Variants in CYP27A1 observed in about 807,000 individuals in gnomAD.
CYP27A1 encodes sterol 26-hydroxylase, mitochondrial.
Under a neutral mutation model 58.2 loss-of-function variants are expected in CYP27A1, and 46 were observed. That is an observed-to-expected ratio of 0.79 (90% CI 0.62 to 1.01). The LOEUF is 1.01. Ranked by LOEUF, CYP27A1 falls within the 50% of genes least tolerant of loss-of-function variation. CYP27A1 has a pLI of 0.00. For missense variants in CYP27A1, 704 were observed against 687.0 expected (o/e 1.02, Z -0.28); for synonymous variants, 274 against 285.1 (o/e 0.96, Z 0.39).
At position 218,812,273 on chromosome 2, in the gene CYP27A1, G is replaced by A. The variant is rs763890316; in HGVS notation, c.498G>A (p.Leu166=). The A allele has an allele frequency of 1.2e-6, 2 of 1,614,230 alleles. No homozygotes were observed. The highest frequency in any genetic ancestry group is 1.7e-6 in the Non-Finnish European group (2 of 1,180,038). ...GCCAGGCTCTGAACCAGCGGTTGCT[G>A]AAGCCAGCGGAAGCAGCGCTCTATA... ...QLRQALNQRL[L]KPAEAALYTD... The change falls in exon 3 of 9, where the codon CTG becomes CTA. Residue 166 remains leucine, a synonymous_variant. Transcript: ENST00000258415.
chr2:218,784,547 C>T (rs890858766), intron 1 of CYP27A1, among the ~76,000 whole-genome samples: 1 of 152,114 alleles, frequency 6.6e-6, no homozygotes, highest in Non-Finnish European at 1.5e-5. Context: ...GAAATGTTAA[C>T]TATACTATTT....
intron 1 of CYP27A1, among the ~76,000 whole-genome samples, chr2:218,801,605 A>C (rs986463788): frequency 3.9e-5 from 6 of 152,150 alleles, no homozygotes; most frequent in African/African-American, 1.4e-4. Context: ...ATATTTGCAA[A>C]AACAGTCTCT....
At chr2:218,794,926 G>A (rs2105973417) in intron 1 of CYP27A1, among the ~76,000 whole-genome samples, 1 of 152,294 alleles carries the variant, frequency 6.6e-6, no homozygotes. Flanking sequence ...GGTACATGAA[G>A]AAGAGAAGGA....
chr2:218,807,775 A>AT (rs759173020), intron 1 of CYP27A1, among the ~76,000 whole-genome samples: 6,057 of 142,926 alleles, frequency 0.042, 372 homozygotes, highest in African/African-American at 0.14. Flanking sequence ...TGCCCAGCGA[A>AT]TTTTTTTTTT....
chr2:218,806,425 G>A (rs1010438027), intron 1 of CYP27A1, among the ~76,000 whole-genome samples: 1 of 152,192 alleles, frequency 6.6e-6, no homozygotes, highest in African/African-American at 2.4e-5. Flanking sequence ...GAGGGGGTGC[G>A]GTACTTGTGG....
intron 1 of CYP27A1, among the ~76,000 whole-genome samples, chr2:218,793,185 C>T (rs1943513586): frequency 6.6e-6 from 1 of 152,120 alleles, no homozygotes; most frequent in Non-Finnish European, 1.5e-5. Flanking sequence ...AAGTGATTCT[C>T]CTGGCTCAGC....
At chr2:218,793,083 G>T (rs537730911) in intron 1 of CYP27A1, among the ~76,000 whole-genome samples, 1 of 152,246 alleles carries the variant, frequency 6.6e-6, no homozygotes, top group African/African-American at 2.4e-5. Flanking sequence ...TTATTTGTTT[G>T]TTTGTTTTTT....
At chr2:218,800,245 T>C (rs1162067158) in intron 1 of CYP27A1, among the ~76,000 whole-genome samples, 2 of 152,024 alleles carry the variant, frequency 1.3e-5, no homozygotes, top group African/African-American at 4.8e-5. Flanking sequence ...TTCTTCGGTG[T>C]TCCAGGAGGA....
chr2:218,802,290 C>T (rs1210167293), intron 1 of CYP27A1, among the ~76,000 whole-genome samples: 1 of 149,786 alleles, frequency 6.7e-6, no homozygotes, highest in Non-Finnish European at 1.5e-5. Flanking sequence ...GGTGCACCCT[C>T]CATAGAAGTA....
At chr2:218,788,964 A>G (rs1943465870) in intron 1 of CYP27A1, among the ~76,000 whole-genome samples, 1 of 152,252 alleles carries the variant, frequency 6.6e-6, no homozygotes, top group Non-Finnish European at 1.5e-5. Flanking sequence ...AGGATGTAGC[A>G]GAACAGGGAA....
At chr2:218,794,130 G>A (rs1350713968) in intron 1 of CYP27A1, among the ~76,000 whole-genome samples, 4 of 152,188 alleles carry the variant, frequency 2.6e-5, no homozygotes, top group African/African-American at 9.7e-5. Context: ...CCCTGGTACG[G>A]GAGAGGACAA....
intron 1 of CYP27A1, among the ~76,000 whole-genome samples, chr2:218,801,995 T>A (rs531555573): frequency 1.1e-4 from 16 of 149,214 alleles, no homozygotes; most frequent in Middle Eastern, 3.5e-3. Context: ...TTTTTTTTTT[T>A]AATTCCTATT....
intron 4 of CYP27A1, 84 bp downstream of exon 4, chr2:218,812,833 C>T (rs1559392746): frequency 1.2e-6 from 2 of 1,606,018 alleles, no homozygotes; most frequent in African/African-American, 2.7e-5. Flanking sequence ...CAGGCCTTTT[C>T]CCTCATGCTA....
intron 1 of CYP27A1, among the ~76,000 whole-genome samples, chr2:218,804,507 A>G (rs1251569039): frequency 6.6e-6 from 1 of 152,100 alleles, no homozygotes; most frequent in Non-Finnish European, 1.5e-5. Flanking sequence ...CTTTTTTAAT[A>G]TTGTTTTGGC....
intron 1 of CYP27A1, among the ~76,000 whole-genome samples, chr2:218,786,943 C>T (rs113796598): frequency 6.6e-6 from 1 of 152,086 alleles, no homozygotes; most frequent in Non-Finnish European, 1.5e-5. Flanking sequence ...CACAGGCATG[C>T]ACCACCACTC....
At chr2:218,789,348 T>C (rs1370965983) in intron 1 of CYP27A1, among the ~76,000 whole-genome samples, 2 of 151,960 alleles carry the variant, frequency 1.3e-5, no homozygotes, top group African/African-American at 4.8e-5. Flanking sequence ...TTTAACAGAG[T>C]TTAAATGAGC....
intron 1 of CYP27A1, among the ~76,000 whole-genome samples, chr2:218,793,819 T>C (rs1575199684): frequency 6.6e-6 from 1 of 151,894 alleles, no homozygotes; most frequent in Admixed American, 6.6e-5. Flanking sequence ...GTTCAAGCAA[T>C]TCTCATGCCT....
At chr2:218,811,685 C>A (rs903134943) in intron 2 of CYP27A1, among the ~76,000 whole-genome samples, 1 of 152,212 alleles carries the variant, frequency 6.6e-6, no homozygotes, top group Non-Finnish European at 1.5e-5. Context: ...AGGCTTAGAG[C>A]CTGAGCACTC....
intron 1 of CYP27A1, among the ~76,000 whole-genome samples, chr2:218,786,319 C>G (rs1392747005): frequency 6.6e-6 from 1 of 152,162 alleles, no homozygotes; most frequent in Non-Finnish European, 1.5e-5. Context: ...CCCTCCCACC[C>G]AAACCAGGTG....
Sources: gnomAD v4.1 joint callset for allele counts (sites outside exome capture counted in the v4.1 genomes callset) on GRCh38, gnomAD v4.1.1 for gene constraint, MANE v1.5 for transcripts, NCBI Gene and HGNC (gene_info 2026-07-23, HGNC 2026-07-21) for gene names.